The following MORN5 variants were observed in gnomAD, a reference collection of about 807,000 sequenced individuals.
MORN5 encodes the protein MORN repeat containing 5.
In MORN5, 21 loss-of-function variants were observed where a neutral mutation model predicts 22.1. That is an observed-to-expected ratio of 0.95 (90% CI 0.67 to 1.37). The LOEUF (loss-of-function observed/expected upper bound fraction) is 1.37. Among genes scored for constraint, MORN5 ranks in the 40% most tolerant of loss-of-function variants. The pLI is 0.00. For synonymous variants in MORN5, 73 were observed against 74.0 expected (o/e 0.99, Z 0.07); for missense variants, 211 against 215.1 (o/e 0.98, Z 0.12).
At chr9:122,194,463 G>GGTGACT (rs1829841255) in intron 4 of MORN5, among the ~76,000 whole-genome samples, 1 of 152,154 alleles carries the variant, frequency 6.6e-6, no homozygotes, top group South Asian at 2.1e-4. Flanking sequence ...GACAAGATGG[G>GGTGACT]GTGACTGTGA....
chr9:122,160,310 TGGA>T (rs1415214764), intron 1 of MORN5, among the ~76,000 whole-genome samples: 1 of 152,230 alleles, frequency 6.6e-6, no homozygotes, highest in African/African-American at 2.4e-5. Flanking sequence ...ATAATCCAGT[TGGA>T]GATGTATTGC....
At chr9:122,182,258 C>T (rs1212672067) in intron 4 of MORN5, among the ~76,000 whole-genome samples, 2 of 152,236 alleles carry the variant, frequency 1.3e-5, no homozygotes, top group African/African-American at 2.4e-5. Context: ...TGCCCCAGCA[C>T]AGAATGCCTT....
At chr9:122,161,922 C>A (rs1829206803) in intron 1 of MORN5, among the ~76,000 whole-genome samples, 1 of 152,186 alleles carries the variant, frequency 6.6e-6, no homozygotes, top group African/African-American at 2.4e-5. Context: ...CAGACCTGAA[C>A]AGGGCTTCCC....
intron 3 of MORN5, among the ~76,000 whole-genome samples, chr9:122,170,127 G>A (rs1005448358): frequency 1.3e-5 from 2 of 151,992 alleles, no homozygotes; most frequent in Non-Finnish European, 1.5e-5. Context: ...GTGAAACCCC[G>A]TCTCTTCTAA....
intron 1 of MORN5, among the ~76,000 whole-genome samples, chr9:122,161,222 A>G (rs569825581): frequency 1.3e-5 from 2 of 152,300 alleles, no homozygotes; most frequent in South Asian, 4.2e-4. Flanking sequence ...AAGTTGGTGG[A>G]ATTCCAGGGC....
rs147381362 is a variant in MORN5, at chr9:122,197,829, G to A, written c.440-2056G>A. ...TGTGGCAAAAGTGGGCTCCACCAGC[G>A]CTTAACTCCTTGTGTGCTGACACAT... On this transcript the variant is annotated intron_variant, in intron 4 of 4. Transcript: ENST00000373764. This position sits in a 1 kb window ranked among gnomAD's most constrained non-coding sequence, Gnocchi z 5.7. Among the ~76,000 whole-genome samples the A allele has an allele frequency of 2.1e-3, 323 of 152,304 alleles. 2 individuals carry two copies. Among genetic ancestry groups the A allele is most frequent in the African/African-American group, 7.4e-3 (306 of 41,570 alleles).
At chr9:122,193,004 ATGGTACAGGC>A (rs1009203261) in intron 4 of MORN5, among the ~76,000 whole-genome samples, 4 of 150,168 alleles carry the variant, frequency 2.7e-5, no homozygotes, top group African/African-American at 7.4e-5. Flanking sequence ...TCAAAAGTAA[ATGGTACAGGC>A]TGGAGGGGGT....
At chr9:122,164,560 G>GTGC (rs1829249075) in intron 1 of MORN5, 2 of 985,242 alleles carry the variant, frequency 2.0e-6, no homozygotes, top group African/African-American at 3.5e-5. Context: ...CTCTAAGGAG[G>GTGC]TGCTGCTTAG....
At chr9:122,167,155 C>G (rs1201815117) in intron 2 of MORN5, among the ~76,000 whole-genome samples, 2 of 150,490 alleles carry the variant, frequency 1.3e-5, no homozygotes, top group Admixed American at 6.6e-5. Flanking sequence ...TCAAGCGAGT[C>G]TCCTGCCTCA....
In MORN5 at chr9:122,174,640, C is replaced by T. The variant is rs374658008; in HGVS notation, c.439+13C>T. 1.1e-5 allele frequency: 17 copies of T among 1,613,828 alleles called. No individual in the cohort carries two copies. The highest frequency in any genetic ancestry group is 1.6e-4 in the Middle Eastern group (1 of 6,084). Reference sequence around the variant, plus strand: ...CTAAGAAACGCAGGTAGGTTTCTTCCGACACTGCAGCACGTTTTCTCTTCA... The same window carrying T: ...CTAAGAAACGCAGGTAGGTTTCTTCTGACACTGCAGCACGTTTTCTCTTCA... On this transcript the variant is annotated intron_variant, in intron 4 of 4. Coordinates refer to ENST00000373764, the MANE Select transcript of MORN5 (RefSeq NM_198469.4).
intron 4 of MORN5, 143 bp from the exon 5 acceptor site, chr9:122,199,742 G>T: frequency 8.0e-6 from 6 of 747,252 alleles, no homozygotes; most frequent in Non-Finnish European, 1.4e-5. Flanking sequence ...GTAAATGAAA[G>T]GTCTGTTCCT....
At chr9:122,190,053 C>T (rs1438113957) in intron 4 of MORN5, among the ~76,000 whole-genome samples, 1 of 151,832 alleles carries the variant, frequency 6.6e-6, no homozygotes, top group Non-Finnish European at 1.5e-5. Context: ...GCACCTACGG[C>T]TCCCACCTGA....
intron 4 of MORN5, among the ~76,000 whole-genome samples, chr9:122,198,052 A>G (rs531603836): frequency 6.6e-6 from 1 of 152,318 alleles, no homozygotes; most frequent in East Asian, 1.9e-4. Flanking sequence ...GCGTGCTCAC[A>G]TCTGCCCTGG....
intron 4 of MORN5, chr9:122,175,598 AC>A: frequency 1.0e-6 from 1 of 972,752 alleles, no homozygotes; most frequent in Middle Eastern, 5.3e-4. Context: ...ACACACGTGC[AC>A]CCACACGCGC....
intron 4 of MORN5, chr9:122,175,627 C>CACAT: frequency 1.0e-6 from 1 of 985,102 alleles, no homozygotes; most frequent in Non-Finnish European, 1.2e-6. Context: ...TACACACACA[C>CACAT]ATTTTGCAGA....
chr9:122,163,777 A>T (rs1028991020), intron 1 of MORN5, among the ~76,000 whole-genome samples: 8 of 152,208 alleles, frequency 5.3e-5, no homozygotes, highest in African/African-American at 1.7e-4. Flanking sequence ...AGGGCCAAGC[A>T]TCAGGAAATA....
chr9:122,160,542 TTTCCTTCCTTCCTTCCTTCCTTTTTTCC>T (rs1829179430), intron 1 of MORN5, among the ~76,000 whole-genome samples: 1 of 151,358 alleles, frequency 6.6e-6, no homozygotes, highest in Non-Finnish European at 1.5e-5. Flanking sequence ...TTTCTTTTCT[TTTCCTTCCTTCCTTCCTTCCTTTTTTCC>T]TTCCTTCCTT....
At chr9:122,167,080 ACT>A (rs1829297661) in intron 2 of MORN5, among the ~76,000 whole-genome samples, 165 bp downstream of exon 2, 3 of 117,884 alleles carry the variant, frequency 2.5e-5, no homozygotes, top group Admixed American at 1.9e-4. Flanking sequence ...TTTTAGTCTC[ACT>A]CTGTCACCAG....
intron 4 of MORN5, 127 bp from the exon 5 acceptor site, chr9:122,199,758 C>T: frequency 7.1e-6 from 6 of 841,844 alleles, no homozygotes; most frequent in Non-Finnish European, 1.2e-5. Context: ...TTCCTCCCCA[C>T]ACAAAACTAC....
Sources: allele counts gnomAD v4.1 joint callset (sites outside exome capture counted in the v4.1 genomes callset), GRCh38; gene constraint gnomAD v4.1.1; non-coding constraint Gnocchi (gnomAD v3.1); transcripts MANE v1.5; gene names NCBI Gene and HGNC (gene_info 2026-07-23, HGNC 2026-07-21).